The following HCFC2 variants were observed in gnomAD, a reference collection of about 807,000 sequenced individuals.
The protein encoded by HCFC2 is host cell factor 2.
In HCFC2, 18 loss-of-function variants were observed where a neutral mutation model predicts 89.2. The ratio of observed to expected loss-of-function variants is 0.20; its 90% CI spans 0.14 to 0.30. HCFC2 has a LOEUF of 0.30. HCFC2 is among the 10% of genes least tolerant of loss of function. The probability of loss-of-function intolerance (pLI) is 1.00; values close to 1 mark genes in which losing one functional copy is unlikely to be tolerated. For synonymous variants in HCFC2, 308 were observed against 335.7 expected (o/e 0.92, Z 0.90); for missense variants, 578 against 956.1 (o/e 0.60, Z 5.21).
chr12:104,087,940 A>C, intron 8 of HCFC2, 46 bp from the exon 9 acceptor site: 2 of 1,059,452 alleles, frequency 1.9e-6, no homozygotes, highest in African/African-American at 3.3e-5. Flanking sequence ...TATTTTATTG[A>C]AGCTAGTTAA....
At chr12:104,070,960 A>C (rs554690952) in intron 3 of HCFC2, among the ~76,000 whole-genome samples, 1 of 152,140 alleles carries the variant, frequency 6.6e-6, no homozygotes, top group Non-Finnish European at 1.5e-5. Context: ...GTCTGCCACC[A>C]TGCCTGGCTA....
chr12:104,066,842 C>T (rs1883163740), intron 2 of HCFC2, among the ~76,000 whole-genome samples: 1 of 152,240 alleles, frequency 6.6e-6, no homozygotes, highest in Admixed American at 6.5e-5. Context: ...GGCTGGACTG[C>T]AGCCGCGCAA....
intron 4 of HCFC2, 139 bp downstream of exon 4, chr12:104,079,792 T>C: frequency 1.5e-6 from 1 of 653,156 alleles, no homozygotes; most frequent in East Asian, 2.7e-5. Context: ...GTATGTGTGA[T>C]ATGAATGGTT....
At chr12:104,073,551 C>T (rs1272277728) in intron 3 of HCFC2, among the ~76,000 whole-genome samples, 1 of 152,100 alleles carries the variant, frequency 6.6e-6, no homozygotes, top group African/African-American at 2.4e-5. Flanking sequence ...TTGAATCTTG[C>T]TTTGAAAGAC....
intron 9 of HCFC2, among the ~76,000 whole-genome samples, chr12:104,089,481 A>T (rs1883963046): frequency 6.6e-6 from 1 of 152,092 alleles, no homozygotes; most frequent in African/African-American, 2.4e-5. Flanking sequence ...GTGCCACTGC[A>T]CTCCAGCCTG....
chr12:104,102,024 A>C lies in HCFC2; in HGVS notation c.1935A>C (p.Pro645=). The C allele has an allele frequency of 6.2e-7, 1 of 1,613,558 alleles. No homozygotes were observed. The change falls in exon 14 of 15, where the codon CCA becomes CCC. Residue 645 remains proline, a synonymous_variant. Coordinates refer to ENST00000229330, the MANE Select transcript of HCFC2 (RefSeq NM_013320.3). ...YSLLKKQDLV[P]GTGYRFRVAA... is the part of the protein sequence containing the mutation. The stretch of plus-strand genomic sequence containing the variant: ...TGCTTAAGAAACAAGATCTTGTTCC[A>C]GGCACAGGATACAGATTCAGGGTTG...
rs1359635263 is a variant in HCFC2 at position 104,082,802 on chromosome 12, G to C, written c.964G>C (p.Ala322Pro). 1 of 1,613,706 alleles carries C rather than the reference G, an allele frequency of 6.2e-7. No individual in the cohort carries two copies. The highest frequency in any genetic ancestry group is 8.5e-7 in the Non-Finnish European group (1 of 1,179,660). The change falls in exon 7 of 15, where the codon GCA (alanine) becomes CCA (proline). Residue 322 changes from alanine (A) to proline (P), a missense_variant. Physicochemically the swap from Ala to Pro is conservative, Grantham distance 27. Transcript: ENST00000229330. ...PRPRAGHCAVAIGTRLYFWSG... is the reference protein window; with the variant it reads ...PRPRAGHCAVPIGTRLYFWSG... ...ACCAAGAGCTGGCCACTGTGCTGTT[G>C]CAATCGGCACTCGATTGTATTTTTG...
chr12:104,076,110 G>A (rs1327101306), intron 3 of HCFC2, among the ~76,000 whole-genome samples: 1 of 152,188 alleles, frequency 6.6e-6, no homozygotes, highest in Non-Finnish European at 1.5e-5. Flanking sequence ...TCTTGACTGT[G>A]TACAAGGTTC....
rs2030003682 is a variant in HCFC2, at chr12:104,103,267, A to G, written c.2373A>G (p.Leu791=). ...WLQGNNKKAP[L]N ...AAGGTAACAATAAGAAAGCACCTTTAAATTGAATTGGTTTTTTTACTGAAG... is the reference window on the plus strand; with the variant it reads ...AAGGTAACAATAAGAAAGCACCTTTGAATTGAATTGGTTTTTTTACTGAAG... The change falls in exon 15 of 15, where the codon TTA becomes TTG. Residue 791 remains leucine, a synonymous_variant. Coordinates refer to ENST00000229330, the MANE Select transcript of HCFC2 (RefSeq NM_013320.3). 1 of 1,605,220 alleles carries G rather than the reference A, an allele frequency of 6.2e-7. No individual in the cohort carries two copies.
At position 104,105,672 on chromosome 12, in the gene HCFC2, T is replaced by C. The variant is rs2136633368; in HGVS notation, c.*2399T>C. 1 of 151,600 alleles carries C rather than the reference T, an allele frequency of 6.6e-6. No homozygotes were observed. The highest frequency in any genetic ancestry group is 2.1e-4 in the South Asian group (1 of 4,812). 9.4% of individuals were successfully genotyped at this position (151,600 alleles called of 1,614,324 possible). A position where few individuals can be genotyped will look rare whatever the true frequency, so the allele number is the denominator to read the frequency against. ...CTGACTAAAAAATGCCATTAAGAAA[T>C]CTCTGTGGCTTTGACATTAGTAGTT... is the stretch of plus-strand genomic sequence containing the variant. On this transcript the variant is annotated 3_prime_UTR_variant, in exon 15 of 15. Coordinates refer to ENST00000229330, the MANE Select transcript of HCFC2 (RefSeq NM_013320.3).
rs767200264 is a variant in HCFC2, at chr12:104,086,856, C to T, written c.1073C>T (p.Pro358Leu). The change falls in exon 8 of 15, where the codon CCG (proline) becomes CTG (leucine). Residue 358 changes from proline to leucine, a missense_variant. This residue lies in a region of HCFC2 where 210 missense variants were observed against 251.7 expected (regional missense o/e 0.83). Transcript: ENST00000229330. ...DLWYLDTEKP[P>L]APSQVQLIKA... is the part of the protein sequence containing the mutation. ...CATGATTGTTCTATAGAGAAACCACCGGCACCATCTCAAGTACAGCTGATC... is the reference window on the plus strand; with the variant it reads ...CATGATTGTTCTATAGAGAAACCACTGGCACCATCTCAAGTACAGCTGATC... The T allele has an allele frequency of 6.1e-5, 99 of 1,613,246 alleles. No individual in the cohort carries two copies. The highest frequency in any genetic ancestry group is 1.3e-4 in the East Asian group (6 of 44,852).
chr12:104,084,580 T>G (rs1160071173), intron 7 of HCFC2, among the ~76,000 whole-genome samples: 1 of 152,148 alleles, frequency 6.6e-6, no homozygotes, highest in East Asian at 1.9e-4. Flanking sequence ...GAATGTGGTG[T>G]TAGAATTTCT....
At chr12:104,085,691 G>A (rs1261136785) in intron 7 of HCFC2, among the ~76,000 whole-genome samples, 1 of 149,356 alleles carries the variant, frequency 6.7e-6, no homozygotes, top group Non-Finnish European at 1.5e-5. Context: ...GGAAGAGGGG[G>A]CTCATCTTGT....
chr12:104,084,123 G>A (rs939634785), intron 7 of HCFC2, among the ~76,000 whole-genome samples: 10 of 152,166 alleles, frequency 6.6e-5, no homozygotes, highest in Admixed American at 5.9e-4. Flanking sequence ...TGCGTAGCAG[G>A]AATTGTTCTA....
chr12:104,070,163 C>G (rs1367055753), intron 3 of HCFC2, among the ~76,000 whole-genome samples: 2 of 151,976 alleles, frequency 1.3e-5, no homozygotes, highest in African/African-American at 2.4e-5. Context: ...GCTGGGACTA[C>G]AGGCGCCCAC....
chr12:104,087,943 C>T, intron 8 of HCFC2, 43 bp from the exon 9 acceptor site: 1 of 1,111,066 alleles, frequency 9.0e-7, no homozygotes. Flanking sequence ...TTTATTGAAG[C>T]TAGTTAAGAG....
At position 104,076,899 on chromosome 12, in the gene HCFC2, C is replaced by T. The variant is rs1452099007; in HGVS notation, c.474-2546C>T. ...TCCACTCTGCTTCGTTGCCTTTCCT[C>T]CCTTTTCTTGCCTATGCCAGATTTT... is the stretch of plus-strand genomic sequence containing the variant. On this transcript the variant is annotated intron_variant, in intron 3 of 14. Coordinates refer to ENST00000229330, the MANE Select transcript of HCFC2 (RefSeq NM_013320.3). Among the ~76,000 whole-genome samples, 4 of 152,330 alleles carry T rather than the reference C, an allele frequency of 2.6e-5. No homozygotes were observed. In the East Asian group the frequency reaches 5.8e-4, roughly 22 times the overall value.
chr12:104,083,392 T>C (rs1306630717), intron 7 of HCFC2, among the ~76,000 whole-genome samples: 5 of 152,124 alleles, frequency 3.3e-5, no homozygotes, highest in Non-Finnish European at 7.4e-5. Flanking sequence ...ATGTGAGCAG[T>C]ACTATTCAGA....
At chr12:104,100,249 G>A (rs1457199221) in intron 13 of HCFC2, among the ~76,000 whole-genome samples, 1 of 151,970 alleles carries the variant, frequency 6.6e-6, no homozygotes, top group Non-Finnish European at 1.5e-5. Flanking sequence ...AAGCTTCTAA[G>A]AATTATTAAA....
Sources: allele counts gnomAD v4.1 joint callset (sites outside exome capture counted in the v4.1 genomes callset), GRCh38; gene constraint gnomAD v4.1.1; regional missense constraint gnomAD v4.1.1; transcripts MANE v1.5; gene names NCBI Gene and HGNC (gene_info 2026-07-23, HGNC 2026-07-21).